Variants in MARCHF6 observed in about 807,000 individuals in gnomAD.
MARCHF6 encodes the protein membrane associated ring-CH-type finger 6.
In MARCHF6, 31 loss-of-function variants were observed where a neutral mutation model predicts 133.7. The observed-to-expected ratio is 0.23, with a 90% confidence interval of 0.17 to 0.31. The LOEUF is 0.31. Ranked by LOEUF, MARCHF6 falls within the 10% of genes least tolerant of loss-of-function variation. MARCHF6 has a pLI of 1.00. For missense variants in MARCHF6, 723 were observed against 1,121.6 expected (o/e 0.64, Z 5.08); for synonymous variants, 395 against 402.5 (o/e 0.98, Z 0.22).
intron 5 of MARCHF6, among the ~76,000 whole-genome samples, chr5:10,387,876 C>T (rs1348247343): frequency 6.6e-6 from 1 of 151,856 alleles, no homozygotes; most frequent in African/African-American, 2.4e-5. Context: ...TAGCCAGGCT[C>T]GTCTCAAACT....
intron 18 of MARCHF6, among the ~76,000 whole-genome samples, 155 bp downstream of exon 18, chr5:10,410,431 A>G (rs906358597): frequency 2.6e-5 from 4 of 152,224 alleles, no homozygotes; most frequent in African/African-American, 9.6e-5. Context: ...ATACTTCTAA[A>G]TGAAATTTTT....
intron 25 of MARCHF6, among the ~76,000 whole-genome samples, chr5:10,431,638 T>A (rs1443898135): frequency 2.0e-5 from 3 of 151,436 alleles, no homozygotes; most frequent in African/African-American, 7.3e-5. Context: ...TGTGTGTGTG[T>A]GTGTGTGTGT....
In MARCHF6 at chr5:10,439,041, CT is replaced by C. The variant is rs1161483187; in HGVS notation, c.*5360del. The C allele has an allele frequency of 6.6e-6, 1 of 152,220 alleles. No homozygotes were observed. The highest frequency in any genetic ancestry group is 6.5e-5 in the Admixed American group (1 of 15,286). 9.4% of individuals were successfully genotyped at this position (152,220 alleles called of 1,614,324 possible). A position where few individuals can be genotyped will look rare whatever the true frequency, so the allele number is the denominator to read the frequency against. The stretch of plus-strand genomic sequence containing the variant: ...TCTCTGTGTTTGTTCAGTAACTCTT[CT>C]TTAGGATACACCTAAAGATGAGAAG... On this transcript the variant is annotated 3_prime_UTR_variant, in exon 26 of 26. Transcript: ENST00000274140.
rs545534431 is a variant in MARCHF6 at position 10,440,071 on chromosome 5, C to A, written c.*6387C>A. The A allele has an allele frequency of 5.9e-5, 9 of 152,342 alleles. No individual in the cohort carries two copies. The highest frequency in any genetic ancestry group is 2.2e-4 in the African/African-American group (9 of 41,582). The allele number at this position is 152,342 out of a possible 1,614,324, so 9.4% of individuals were successfully genotyped here. On this transcript the variant is annotated 3_prime_UTR_variant, in exon 26 of 26. Transcript: ENST00000274140. ...GCTCTCTTTTGTACTTTTAAACATACTATATGGTTTACCTTTGTTGTTTAT... is the reference window on the plus strand; with the variant it reads ...GCTCTCTTTTGTACTTTTAAACATAATATATGGTTTACCTTTGTTGTTTAT...
intron 7 of MARCHF6, among the ~76,000 whole-genome samples, chr5:10,392,018 G>A (rs1737882719): frequency 6.6e-6 from 1 of 151,148 alleles, no homozygotes; most frequent in Non-Finnish European, 1.5e-5. Flanking sequence ...GAGTGCAGTG[G>A]CGCTATCTCG....
chr5:10,413,993 C>A (rs1739370862), intron 19 of MARCHF6, among the ~76,000 whole-genome samples: 2 of 152,162 alleles, frequency 1.3e-5, no homozygotes, highest in Admixed American at 1.3e-4. Context: ...TTACACTAAC[C>A]ACATATCAAA....
intron 1 of MARCHF6, among the ~76,000 whole-genome samples, chr5:10,357,778 T>C (rs945477088): frequency 3.9e-5 from 6 of 152,196 alleles, no homozygotes; most frequent in Admixed American, 2.0e-4. Context: ...GGCACTATTC[T>C]ATGCATTTGG....
chr5:10,377,114 A>G (rs1481067392), intron 1 of MARCHF6, among the ~76,000 whole-genome samples: 1 of 152,066 alleles, frequency 6.6e-6, no homozygotes, highest in Non-Finnish European at 1.5e-5. Flanking sequence ...AAGACAGACA[A>G]ATATGCCCCT....
Position 10,410,234 on chromosome 5 carries a change from A to AGG in MARCHF6, c.1652_1653dup (p.Leu552GlyfsTer8). 1 of 1,613,574 alleles carries AGG rather than the reference A, an allele frequency of 6.2e-7. No homozygotes were observed. The highest frequency in any genetic ancestry group is 8.5e-7 in the Non-Finnish European group (1 of 1,180,024). On this transcript the variant is annotated frameshift_variant, in exon 18 of 26. Transcript: ENST00000274140. LOFTEE classifies it high-confidence loss of function. ...CAGGGACACACGAGGCAGTGGCTGA[A>AGG]GGGGCTGGTGCGAGCGTGGACTGTG...
Position 10,387,046 on chromosome 5 carries a change from G to A in MARCHF6, c.387G>A (p.Leu129=). The A allele has an allele frequency of 6.2e-7, 1 of 1,612,464 alleles. No individual in the cohort carries two copies. The highest frequency in any genetic ancestry group is 8.5e-7 in the Non-Finnish European group (1 of 1,178,730). The change falls in exon 5 of 26, where the codon CTG becomes CTA. Residue 129 remains leucine (L), a synonymous_variant. Transcript: ENST00000274140. ...GCTCCGTGAGCTCACTACTGACGCT[G>A]CCATTAGATATGCTGTCAACGTGAG... ...FTGSVSSLLT[L]PLDMLSTENL...
intron 4 of MARCHF6, among the ~76,000 whole-genome samples, chr5:10,382,492 A>G (rs1162987113): frequency 6.6e-6 from 1 of 150,706 alleles, no homozygotes; most frequent in Non-Finnish European, 1.5e-5. Flanking sequence ...AAAGGACTGC[A>G]AAAGATGAAT....
At chr5:10,369,604 C>CT (rs1561101448) in intron 1 of MARCHF6, among the ~76,000 whole-genome samples, 1 of 3,934 alleles carries the variant, frequency 2.5e-4, no homozygotes, top group Non-Finnish European at 5.3e-4. Context: ...AGTTCCATTA[C>CT]CCCCCCCCCC....
intron 11 of MARCHF6, 89 bp downstream of exon 11, chr5:10,400,931 T>A: frequency 9.5e-7 from 1 of 1,050,526 alleles, no homozygotes; most frequent in Non-Finnish European, 1.5e-6. Context: ...GTTACATCAT[T>A]TCTTCATTGG....
In MARCHF6 at chr5:10,353,818, T is replaced by TCCCTCCTCCTCTC; in HGVS notation, c.-74_-62dup. ...GCGTACGCACCTGCCCGGGCCCGGC[T>TCCCTCCTCCTCTC]CCCTCCTCCTCTCCCCTCCCTCTTT... On this transcript the variant is annotated 5_prime_UTR_variant, in exon 1 of 26. Transcript: ENST00000274140. The TCCCTCCTCCTCTC allele has an allele frequency of 7.5e-7, 1 of 1,337,406 alleles. No individual in the cohort carries two copies. The allele number at this position is 1,337,406 out of a possible 1,614,324, so 82.8% of individuals were successfully genotyped here.
At chr5:10,357,223 T>A (rs964331776) in intron 1 of MARCHF6, among the ~76,000 whole-genome samples, 3 of 152,168 alleles carry the variant, frequency 2.0e-5, no homozygotes, top group African/African-American at 7.2e-5. Context: ...CTTTTTTTTT[T>A]TTTTTTTTAA....
chr5:10,435,389 A>T lies in MARCHF6; in HGVS notation c.*1705A>T, dbSNP rs1272188890. The T allele has an allele frequency of 6.6e-6, 1 of 151,606 alleles. No individual in the cohort carries two copies. Among genetic ancestry groups the T allele is most frequent in the Non-Finnish European group, 1.5e-5 (1 of 67,838 alleles). 9.4% of individuals were successfully genotyped at this position (151,606 alleles called of 1,614,324 possible). Reference sequence around the variant, plus strand: ...ACCTAGGCAAAATTGGAAAAAAAAAAAAAAATCAGTATCAGAAATAATGCT... The same window carrying T: ...ACCTAGGCAAAATTGGAAAAAAAAATAAAAATCAGTATCAGAAATAATGCT... On this transcript the variant is annotated 3_prime_UTR_variant, in exon 26 of 26. Transcript: ENST00000274140.
intron 1 of MARCHF6, among the ~76,000 whole-genome samples, chr5:10,355,963 T>C (rs1735434210): frequency 6.6e-6 from 1 of 152,266 alleles, no homozygotes; most frequent in African/African-American, 2.4e-5. Flanking sequence ...TATTTTGTTT[T>C]ATGAAATTAT....
chr5:10,369,738 A>T (rs188320401), intron 1 of MARCHF6, among the ~76,000 whole-genome samples: 2 of 152,018 alleles, frequency 1.3e-5, no homozygotes, highest in African/African-American at 4.8e-5. Flanking sequence ...ATAGAACCAT[A>T]CAGTATGTAG....
chr5:10,375,540 C>T (rs1369897172), intron 1 of MARCHF6, among the ~76,000 whole-genome samples: 3 of 152,262 alleles, frequency 2.0e-5, no homozygotes, highest in Non-Finnish European at 4.4e-5. Flanking sequence ...CTGAGGAGTG[C>T]CAGCGCATGG....
Sources: gnomAD v4.1 joint callset for allele counts (sites outside exome capture counted in the v4.1 genomes callset) on GRCh38, gnomAD v4.1.1 for gene constraint, MANE v1.5 for transcripts, NCBI Gene and HGNC (gene_info 2026-07-23, HGNC 2026-07-21) for gene names.